Variants in PPP1R12B observed in about 807,000 individuals in gnomAD.
The protein encoded by PPP1R12B is protein phosphatase 1 regulatory subunit 12B, also known as myosin phosphatase target subunit 2.
Under a neutral mutation model 126.1 loss-of-function variants are expected in PPP1R12B, and 76 were observed. That is an observed-to-expected ratio of 0.60 (90% CI 0.50 to 0.73). The LOEUF (loss-of-function observed/expected upper bound fraction) is 0.73, where lower values mean the gene tolerates loss of function less well. Among genes scored for constraint, PPP1R12B ranks in the 30% least tolerant of loss-of-function variants. PPP1R12B has a pLI of 0.00. For missense variants in PPP1R12B, 1,052 were observed against 1,205.1 expected, an observed-to-expected ratio of 0.87 and a Z score of 1.88; for synonymous variants, 356 against 434.7, an observed-to-expected ratio of 0.82 and a Z score of 2.25.
chr1:202,375,583 G>A (rs1025110956), intron 1 of PPP1R12B, among the ~76,000 whole-genome samples: 3 of 152,080 alleles, frequency 2.0e-5, no homozygotes, highest in African/African-American at 7.2e-5. Flanking sequence ...TCTTTTCCTT[G>A]TGTTTTTAAG....
At chr1:202,439,305 A>G (rs908896463) in intron 10 of PPP1R12B, 5 of 1,418,080 alleles carry the variant, frequency 3.5e-6, no homozygotes, top group South Asian at 1.2e-5. Context: ...CAGTGAGGCC[A>G]TCTCCATCCT....
rs1411336480 is a variant in PPP1R12B at position 202,590,409 on chromosome 1, A to G, written c.*9849A>G. The G allele has an allele frequency of 6.6e-6, 1 of 151,008 alleles. No homozygotes were observed. Among genetic ancestry groups the G allele is most frequent in the Non-Finnish European group, 1.5e-5 (1 of 67,824 alleles). 9.4% of individuals were successfully genotyped at this position (151,008 alleles called of 1,614,324 possible). On this transcript the variant is annotated 3_prime_UTR_variant, in exon 24 of 24. Transcript: ENST00000608999. Reference sequence around the variant, plus strand: ...AGAGTGCCAATCTGGTCTTCCCCCAACCCCAGGAGAGAGGGGACCTCAGCC... The same window carrying G: ...AGAGTGCCAATCTGGTCTTCCCCCAGCCCCAGGAGAGAGGGGACCTCAGCC...
At chr1:202,502,253 G>A in intron 18 of PPP1R12B, 1 of 984,012 alleles carries the variant, frequency 1.0e-6, no homozygotes, top group Non-Finnish European at 1.2e-6. Flanking sequence ...AGATATCAAG[G>A]TACCTGCCTT....
At position 202,580,682 on chromosome 1, in the gene PPP1R12B, T is replaced by C. The variant is rs1020468697; in HGVS notation, c.*122T>C. On this transcript the variant is annotated 3_prime_UTR_variant, in exon 24 of 24. Coordinates refer to ENST00000608999, the MANE Select transcript of PPP1R12B (RefSeq NM_002481.4). The stretch of plus-strand genomic sequence containing the variant: ...TTTGGTGGAAGGACACTTCTTTCTA[T>C]CACCCTCTTCAGTCACCTCTATACA... 1.3e-6 allele frequency: 1 copy of C among 778,258 alleles called. No homozygotes were observed. Among genetic ancestry groups the C allele is most frequent in the Non-Finnish European group, 2.2e-6 (1 of 454,166 alleles). The allele number at this position is 778,258 out of a possible 1,614,324, so 48.2% of individuals were successfully genotyped here.
At chr1:202,568,169 T>TACACACACAC (rs112151278) in intron 22 of PPP1R12B, among the ~76,000 whole-genome samples, 1 of 147,360 alleles carries the variant, frequency 6.8e-6, no homozygotes, top group Admixed American at 6.8e-5. Flanking sequence ...AATCATTGCA[T>TACACACACAC]ACACACACAC....
intron 18 of PPP1R12B, among the ~76,000 whole-genome samples, chr1:202,538,537 A>G (rs1361910939): frequency 1.3e-5 from 2 of 152,248 alleles, no homozygotes; most frequent in Non-Finnish European, 2.9e-5. Flanking sequence ...TTGTCAAGGC[A>G]GTTAGAAAAG....
At chr1:202,378,990 T>C (rs1385991816) in intron 1 of PPP1R12B, among the ~76,000 whole-genome samples, 1 of 152,184 alleles carries the variant, frequency 6.6e-6, no homozygotes, top group Non-Finnish European at 1.5e-5. Flanking sequence ...TTTCTCTATA[T>C]TCTTTCGTCT....
intron 1 of PPP1R12B, among the ~76,000 whole-genome samples, chr1:202,392,527 T>A (rs1039244000): frequency 6.6e-6 from 1 of 151,414 alleles, no homozygotes; most frequent in Non-Finnish European, 1.5e-5. Flanking sequence ...CTTTTTTTTT[T>A]CTTTTTTTTT....
chr1:202,423,850 A>G (rs1410263841), intron 3 of PPP1R12B, among the ~76,000 whole-genome samples: 6 of 151,896 alleles, frequency 4.0e-5, no homozygotes, highest in African/African-American at 1.5e-4. Context: ...TGCCTGGCTA[A>G]TTTTTGTATT....
At chr1:202,355,102 A>G (rs1656824209) in intron 1 of PPP1R12B, among the ~76,000 whole-genome samples, 1 of 151,536 alleles carries the variant, frequency 6.6e-6, no homozygotes, top group Non-Finnish European at 1.5e-5. Flanking sequence ...ACGGGGTTTC[A>G]CCATGTTGGC....
At chr1:202,464,152 C>G (rs1390051726) in intron 13 of PPP1R12B, among the ~76,000 whole-genome samples, 1 of 152,092 alleles carries the variant, frequency 6.6e-6, no homozygotes, top group Non-Finnish European at 1.5e-5. Context: ...CTTCAGTGTT[C>G]TTTTTTTGTA....
intron 14 of PPP1R12B, among the ~76,000 whole-genome samples, chr1:202,492,670 C>T (rs1679038206): frequency 6.6e-6 from 1 of 152,138 alleles, no homozygotes; most frequent in South Asian, 2.1e-4. Context: ...TGTAGCCTAG[C>T]TCTGAATTTT....
In PPP1R12B at chr1:202,584,474, G is replaced by C. The variant is rs1036257933; in HGVS notation, c.*3914G>C. 2 of 152,230 alleles carry C rather than the reference G, an allele frequency of 1.3e-5. No homozygotes were observed. Among genetic ancestry groups the C allele is most frequent in the Admixed American group, 1.3e-4 (2 of 15,288 alleles). 9.4% of individuals were successfully genotyped at this position (152,230 alleles called of 1,614,324 possible). A position where few individuals can be genotyped will look rare whatever the true frequency, so the allele number is the denominator to read the frequency against. ...TAAACTACTGACTGTTTCTCCACTA[G>C]AGGCATTTAATTGAGCCAAAGATGA... On this transcript the variant is annotated 3_prime_UTR_variant, in exon 24 of 24. Coordinates refer to ENST00000608999, the MANE Select transcript of PPP1R12B (RefSeq NM_002481.4).
chr1:202,570,727 A>G (rs1369916177), intron 23 of PPP1R12B, among the ~76,000 whole-genome samples: 1 of 152,118 alleles, frequency 6.6e-6, no homozygotes, highest in Admixed American at 6.5e-5. Flanking sequence ...GAGTCTCGCT[A>G]TGTTGCCCTG....
rs143671741 is a variant in PPP1R12B, at chr1:202,562,822, G to T, written c.2552G>T (p.Gly851Val). The stretch of plus-strand genomic sequence containing the variant: ...AATCCTACAACCAGTGATTCTTACG[G>T]TGACCGGGCTTCAGCAAGAGCCCGT... The part of the protein sequence containing the change: ...GSNPTTSDSY[G>V]DRASARARRE... The change falls in exon 20 of 24, where the codon GGT (glycine) becomes GTT (valine). Residue 851 changes from glycine (G) to valine (V), a missense_variant. Coordinates refer to ENST00000608999, the MANE Select transcript of PPP1R12B (RefSeq NM_002481.4). 3 of 1,613,272 alleles carry T rather than the reference G, an allele frequency of 1.9e-6. No homozygotes were observed. Among genetic ancestry groups the T allele is most frequent in the African/African-American group, 1.3e-5 (1 of 75,006 alleles).
At chr1:202,394,469 T>C (rs546718984) in intron 1 of PPP1R12B, among the ~76,000 whole-genome samples, 53 of 150,944 alleles carry the variant, frequency 3.5e-4, no homozygotes, top group Admixed American at 1.1e-3. Context: ...GAAAATCAAT[T>C]TGGGGCCGGG....
chr1:202,541,367 T>TA (rs1281237182), intron 18 of PPP1R12B, among the ~76,000 whole-genome samples: 1 of 152,218 alleles, frequency 6.6e-6, no homozygotes, highest in Non-Finnish European at 1.5e-5. Context: ...AGAATATTGT[T>TA]ACGAAGTTAT....
chr1:202,460,547 T>C (rs1424236858), intron 13 of PPP1R12B, among the ~76,000 whole-genome samples: 1 of 152,110 alleles, frequency 6.6e-6, no homozygotes, highest in African/African-American at 2.4e-5. Context: ...CTCAAAGAGG[T>C]TCCACAAACG....
chr1:202,555,329 A>G (rs1185279190), intron 18 of PPP1R12B, among the ~76,000 whole-genome samples: 2 of 129,684 alleles, frequency 1.5e-5, no homozygotes, highest in African/African-American at 2.8e-5. Context: ...TTTAATGAAA[A>G]AAAAAAAAAA....
Sources: allele counts gnomAD v4.1 joint callset (sites outside exome capture counted in the v4.1 genomes callset), GRCh38; gene constraint gnomAD v4.1.1; transcripts MANE v1.5; gene names NCBI Gene and HGNC (gene_info 2026-07-23, HGNC 2026-07-21).